NTNG2: variants seen among roughly 807,000 people sequenced by gnomAD.
NTNG2 encodes the protein netrin-G2.
In NTNG2, 15 loss-of-function variants were observed where a neutral mutation model predicts 47.6. That is an observed-to-expected ratio of 0.32 (90% CI 0.21 to 0.49). The LOEUF (loss-of-function observed/expected upper bound fraction) is 0.49. Ranked by LOEUF, NTNG2 falls within the 20% of genes least tolerant of loss-of-function variation. The probability of loss-of-function intolerance (pLI) is 0.99; values close to 1 mark genes in which losing one functional copy is unlikely to be tolerated. For synonymous variants in NTNG2, 307 were observed against 324.6 expected (o/e 0.95, Z 0.58); for missense variants, 578 against 764.6 (o/e 0.76, Z 2.88).
intron 7 of NTNG2, chr9:132,241,367 G>A (rs986071500): frequency 2.2e-6 from 1 of 444,882 alleles, no homozygotes; most frequent in African/African-American, 2.1e-5. Flanking sequence ...GCAGGTGGGC[G>A]GGGACAGGAT....
In NTNG2 at chr9:132,205,656, G is replaced by A. The variant is rs539533235; in HGVS notation, c.857+7047G>A. 2.3e-4 allele frequency among the ~76,000 whole-genome samples: 35 copies of A among 152,100 alleles called. 1 individual carries two copies. Among genetic ancestry groups the A allele is most frequent in the South Asian group, 1.0e-3 (5 of 4,822 alleles). On this transcript the variant is annotated intron_variant, in intron 3 of 7. Coordinates refer to ENST00000393229, the MANE Select transcript of NTNG2 (RefSeq NM_032536.4). Reference sequence around the variant, plus strand: ...AGCACTTTGGGAGGCCGAGGCGGGCGGATCACTTGAGGTCAGGAGCTCAAG... The same window carrying A: ...AGCACTTTGGGAGGCCGAGGCGGGCAGATCACTTGAGGTCAGGAGCTCAAG...
chr9:132,196,883 T>C (rs1446329687), intron 2 of NTNG2, among the ~76,000 whole-genome samples: 1 of 152,182 alleles, frequency 6.6e-6, no homozygotes, highest in East Asian at 1.9e-4. Context: ...GGCTGTAAAT[T>C]GGGGGTTCCC....
At chr9:132,184,126 G>C (rs538076250) in intron 2 of NTNG2, among the ~76,000 whole-genome samples, 61 of 152,352 alleles carry the variant, frequency 4.0e-4, no homozygotes, top group African/African-American at 1.3e-3. Flanking sequence ...ACAGAGGGGT[G>C]TACCTGTCCA....
At chr9:132,194,280 G>A (rs577201373) in intron 2 of NTNG2, among the ~76,000 whole-genome samples, 3 of 152,256 alleles carry the variant, frequency 2.0e-5, no homozygotes, top group Admixed American at 6.5e-5. Flanking sequence ...TCCTCCTCCC[G>A]AGCGGCACAG....
At position 132,230,698 on chromosome 9, in the gene NTNG2, C is replaced by A. The variant is rs1841141016; in HGVS notation, c.1054+103C>A. The A allele has an allele frequency of 2.4e-6, 3 of 1,261,456 alleles. No homozygotes were observed. The South Asian group carries it at 3.9e-5, about 16-fold the overall frequency. The allele number at this position is 1,261,456 out of a possible 1,614,324, so 78.1% of individuals were successfully genotyped here. ...GAAAAAAGGGGCTTCAGTGTCCCCTCTGGGACTTGGGCCTATTCACTCCCT... is the reference window on the plus strand; with the variant it reads ...GAAAAAAGGGGCTTCAGTGTCCCCTATGGGACTTGGGCCTATTCACTCCCT... On this transcript the variant is annotated intron_variant, in intron 5 of 7. Transcript: ENST00000393229.
chr9:132,170,252 T>C (rs1208747438), intron 2 of NTNG2, among the ~76,000 whole-genome samples: 1 of 152,174 alleles, frequency 6.6e-6, no homozygotes, highest in Non-Finnish European at 1.5e-5. Context: ...ATTCCAGCCT[T>C]GCAAGGAAGG....
chr9:132,170,575 G>T (rs1835839515), intron 2 of NTNG2, among the ~76,000 whole-genome samples: 1 of 152,182 alleles, frequency 6.6e-6, no homozygotes, highest in African/African-American at 2.4e-5. Context: ...ATTGGGAGGT[G>T]CCCCTTAGCG....
chr9:132,201,019 T>C (rs1838704393), intron 3 of NTNG2, among the ~76,000 whole-genome samples: 1 of 152,264 alleles, frequency 6.6e-6, no homozygotes, highest in South Asian at 2.1e-4. Context: ...GCTCCTGGCT[T>C]GTCTTCTGAC....
intron 2 of NTNG2, among the ~76,000 whole-genome samples, chr9:132,178,961 CAAA>C (rs33967810): frequency 6.1e-5 from 5 of 82,316 alleles, no homozygotes; most frequent in African/African-American, 1.9e-4. Context: ...GACTCGGTCT[CAAA>C]AAAAAAAAAA....
At chr9:132,170,812 C>T (rs896148220) in intron 2 of NTNG2, among the ~76,000 whole-genome samples, 1 of 152,186 alleles carries the variant, frequency 6.6e-6, no homozygotes, top group Non-Finnish European at 1.5e-5. Context: ...CTGACCTCAC[C>T]TTGATAGAGG....
At chr9:132,235,829 C>T (rs1346949880) in intron 5 of NTNG2, among the ~76,000 whole-genome samples, 1 of 152,180 alleles carries the variant, frequency 6.6e-6, no homozygotes, top group African/African-American at 2.4e-5. Context: ...TGGTGGGGAC[C>T]TGAGGTTGGA....
chr9:132,234,277 C>A (rs1169448859), intron 5 of NTNG2, among the ~76,000 whole-genome samples: 1 of 152,240 alleles, frequency 6.6e-6, no homozygotes, highest in Non-Finnish European at 1.5e-5. Flanking sequence ...ATCCACCCGC[C>A]TCAGCCTCCC....
intron 3 of NTNG2, among the ~76,000 whole-genome samples, chr9:132,212,147 G>A (rs1839635734): frequency 6.6e-6 from 1 of 152,164 alleles, no homozygotes; most frequent in Non-Finnish European, 1.5e-5. Flanking sequence ...CCTTGTGTGA[G>A]AAATGGGCCT....
Position 132,166,865 on chromosome 9 carries a change from C to T in NTNG2, c.34C>T (p.Leu12Phe), listed in dbSNP as rs762105048. The T allele has an allele frequency of 1.9e-6, 3 of 1,614,242 alleles. No homozygotes were observed. The highest frequency in any genetic ancestry group is 3.3e-5 in the Admixed American group (2 of 60,034). The change falls in exon 2 of 8, where the codon CTC (leucine) becomes TTC (phenylalanine). Residue 12 changes from leucine (L) to phenylalanine (F), a missense_variant. Physicochemically the swap from Leu to Phe is conservative, Grantham distance 22. Transcript: ENST00000393229. ...LHLLALFLHCLPLASGDYDIC... is the reference protein window; with the variant it reads ...LHLLALFLHCFPLASGDYDIC... ...TCTGCTGGCGCTCTTCCTGCACTGCCTCCCTCTGGCCTCTGGGGACTATGA... is the reference window on the plus strand; with the variant it reads ...TCTGCTGGCGCTCTTCCTGCACTGCTTCCCTCTGGCCTCTGGGGACTATGA...
At chr9:132,200,319 A>G (rs1349909898) in intron 3 of NTNG2, among the ~76,000 whole-genome samples, 1 of 152,188 alleles carries the variant, frequency 6.6e-6, no homozygotes, top group East Asian at 1.9e-4. Flanking sequence ...AGCTGGGATG[A>G]TCACTGTGGG....
At chr9:132,216,176 G>A (rs1353814523) in intron 3 of NTNG2, among the ~76,000 whole-genome samples, 1 of 152,178 alleles carries the variant, frequency 6.6e-6, no homozygotes, top group African/African-American at 2.4e-5. Flanking sequence ...TAACCCAGCA[G>A]GTGCTCCATG....
Position 132,231,147 on chromosome 9 carries a change from G to A in NTNG2, c.1054+552G>A, listed in dbSNP as rs781611645. On this transcript the variant is annotated intron_variant, in intron 5 of 7. Transcript: ENST00000393229. This position sits in a 1 kb window ranked among gnomAD's most constrained non-coding sequence, Gnocchi z 4.1. ...GGTCAGCTCAGGTCCCAGGGGAGTC[G>A]GACCAGGGAGGGGCATCTGCAGGAG... The A allele has an allele frequency of 9.9e-5, 37 of 372,438 alleles. No homozygotes were observed. Among genetic ancestry groups the A allele is most frequent in the Non-Finnish European group, 1.3e-4 (24 of 186,652 alleles). 23.1% of individuals were successfully genotyped at this position (372,438 alleles called of 1,614,324 possible). A position where few individuals can be genotyped will look rare whatever the true frequency, so the allele number is the denominator to read the frequency against.
chr9:132,180,878 G>A lies in NTNG2; in HGVS notation c.213+13834G>A, dbSNP rs904106079. ...TAGAACCACGCATGTGCACACGTGT[G>A]TGCAAACACTGGGCTCATGCACAGG... On this transcript the variant is annotated intron_variant, in intron 2 of 7. Transcript: ENST00000393229. This position sits in a 1 kb window ranked among gnomAD's most constrained non-coding sequence, Gnocchi z 4.2. 3.3e-5 allele frequency among the ~76,000 whole-genome samples: 5 copies of A among 152,182 alleles called. No individual in the cohort carries two copies. The highest frequency in any genetic ancestry group is 1.2e-4 in the African/African-American group (5 of 41,454).
chr9:132,192,926 G>A (rs909127067), intron 2 of NTNG2, among the ~76,000 whole-genome samples: 6 of 152,208 alleles, frequency 3.9e-5, no homozygotes, highest in Admixed American at 6.5e-5. Flanking sequence ...TCTGCTTCCC[G>A]GGCCGGGGCG....
Sources: gnomAD v4.1 joint callset for allele counts (sites outside exome capture counted in the v4.1 genomes callset) on GRCh38, gnomAD v4.1.1 for gene constraint, Gnocchi (gnomAD v3.1) non-coding constraint, MANE v1.5 for transcripts, NCBI Gene and HGNC (gene_info 2026-07-23, HGNC 2026-07-21) for gene names.